PRKCD: variants seen among roughly 807,000 people sequenced by gnomAD.
PRKCD encodes the protein protein kinase C delta type.
In PRKCD, 20 loss-of-function variants were observed where a neutral mutation model predicts 82.2. That is an observed-to-expected ratio of 0.24 (90% confidence interval 0.17 to 0.35). The LOEUF is 0.35. Ranked by LOEUF, PRKCD falls within the 10% of genes least tolerant of loss-of-function variation. The pLI is 1.00. For synonymous variants in PRKCD, 317 were observed against 337.0 expected (o/e 0.94, Z 0.65); for missense variants, 607 against 899.0 (o/e 0.68, Z 4.15).
Position 53,192,105 on chromosome 3 carries a change from T to C in PRKCD, c.1873-3T>C, listed in dbSNP as rs1703944773. 6.2e-7 allele frequency: 1 copy of C among 1,613,934 alleles called. No individual in the cohort carries two copies. The highest frequency in any genetic ancestry group is 8.5e-7 in the Non-Finnish European group (1 of 1,179,950). The stretch of plus-strand genomic sequence containing the variant: ...TTCGCTCACCCCTGCCCTCTGCTTG[T>C]AGAAGTCACCCAGAGACTACAGTAA... On this transcript the variant is annotated splice_polypyrimidine_tract_variant and splice_region_variant and intron_variant, in intron 18 of 18. Coordinates refer to ENST00000330452, the MANE Select transcript of PRKCD (RefSeq NM_006254.4).
rs1158923367 is a variant in PRKCD at position 53,179,715 on chromosome 3, C to T, written c.254C>T (p.Thr85Ile). The change falls in exon 4 of 19, where the codon ACC becomes ATC. Residue 85 changes from threonine (T) to isoleucine (I), a missense_variant. By Grantham distance (89) the Thr-to-Ile change is moderately conservative. Transcript: ENST00000330452. The part of the protein sequence containing the change: ...RAAEEPVSEV[T>I]VGVSVLAERC... ...GCAGAGGAGCCAGTGTCTGAGGTGA[C>T]CGTGGGTGTGTCGGTGCTGGCCGAG... 1 of 1,605,750 alleles carries T rather than the reference C, an allele frequency of 6.2e-7. No individual in the cohort carries two copies. Among genetic ancestry groups the T allele is most frequent in the Non-Finnish European group, 8.5e-7 (1 of 1,175,298 alleles).
At chr3:53,191,413 GAATAAATAAATAAA>G (rs375734734) in intron 18 of PRKCD, among the ~76,000 whole-genome samples, 1,559 of 152,056 alleles carry the variant, frequency 0.01, 29 homozygotes, top group African/African-American at 0.036. Context: ...ATCTCTAAAT[GAATAAATAAATAAA>G]AATAAATAAA....
At chr3:53,170,498 C>T (rs1205464300) in intron 2 of PRKCD, among the ~76,000 whole-genome samples, 3 of 152,266 alleles carry the variant, frequency 2.0e-5, no homozygotes, top group Non-Finnish European at 4.4e-5. Flanking sequence ...CCACCATAGC[C>T]TCAGGGCCCT....
chr3:53,163,825 C>T (rs1553663440), intron 1 of PRKCD, among the ~76,000 whole-genome samples: 1 of 152,126 alleles, frequency 6.6e-6, no homozygotes, highest in East Asian at 1.9e-4. Flanking sequence ...GATGCCCAGA[C>T]AGAGCCCCCA....
At chr3:53,177,952 T>C (rs13077914) in intron 2 of PRKCD, among the ~76,000 whole-genome samples, 2 of 118,948 alleles carry the variant, frequency 1.7e-5, no homozygotes, top group South Asian at 6.7e-4. Context: ...TTTTCTTTTT[T>C]TTTTTTTTTT....
intron 13 of PRKCD, 62 bp downstream of exon 13, chr3:53,186,402 C>A: frequency 6.3e-7 from 1 of 1,596,922 alleles, no homozygotes; most frequent in East Asian, 2.2e-5. Context: ...CTCCTCAGCC[C>A]CCCTCAGTCA....
intron 4 of PRKCD, 42 bp downstream of exon 4, chr3:53,179,818 G>GTGTA: frequency 6.5e-7 from 1 of 1,540,990 alleles, no homozygotes; most frequent in Non-Finnish European, 8.8e-7. Context: ...GTGTGTGTGT[G>GTGTA]TCTGTGTGTG....
intron 17 of PRKCD, 134 bp downstream of exon 17, chr3:53,189,380 G>T (rs1703840872): frequency 1.0e-6 from 1 of 958,586 alleles, no homozygotes; most frequent in East Asian, 2.6e-5. Flanking sequence ...AACATACGGG[G>T]TATTGCTCTC....
rs564822118 is a variant in PRKCD, at chr3:53,185,944, G to A, written c.1003G>A (p.Gly335Ser). 7 of 1,614,186 alleles carry A rather than the reference G, an allele frequency of 4.3e-6. No homozygotes were observed. The highest frequency in any genetic ancestry group is 3.3e-5 in the Admixed American group (2 of 60,030). ...EDMQDNSGTY[G>S]KIWEGSSKCN... ...TCGGGCAGACAACAGTGGGACCTAC[G>A]GCAAGATCTGGGAGGGCAGCAGCAA... is the stretch of plus-strand genomic sequence containing the variant. The change falls in exon 12 of 19, where the codon GGC (glycine) becomes AGC (serine). Residue 335 changes from glycine (G) to serine (S), a missense_variant. Gly to Ser is a moderately conservative substitution (Grantham distance 56). Coordinates refer to ENST00000330452, the MANE Select transcript of PRKCD (RefSeq NM_006254.4).
At chr3:53,176,059 G>C (rs556436956) in intron 2 of PRKCD, among the ~76,000 whole-genome samples, 1 of 152,144 alleles carries the variant, frequency 6.6e-6, no homozygotes, top group Non-Finnish European at 1.5e-5. Context: ...CACACACACC[G>C]ATTCATGCAT....
At position 53,179,580 on chromosome 3, in the gene PRKCD, G is replaced by A. The variant is rs376358631; in HGVS notation, c.119G>A (p.Arg40His). 5.5e-5 allele frequency: 88 copies of A among 1,614,070 alleles called. 2 individuals are homozygous for A. The highest frequency in any genetic ancestry group is 4.9e-4 in the South Asian group (45 of 91,078). The part of the protein sequence containing the change: ...VKMKEALSTE[R>H]GKTLVQKKPT... ...TCTCTGCCTGGCCTTGTTGCAGAGC[G>A]TGGGAAAACACTGGTGCAGAAGAAG... Residue 40 changes from arginine (R) to histidine (H), a missense_variant, in exon 4 of 19, where the codon CGT (arginine) becomes CAT (histidine). Transcript: ENST00000330452.
At chr3:53,172,486 TTCATCCACAAGGC>T (rs1703071755) in intron 2 of PRKCD, among the ~76,000 whole-genome samples, 1 of 152,176 alleles carries the variant, frequency 6.6e-6, no homozygotes, top group Non-Finnish European at 1.5e-5. Context: ...CCCTCCTTTA[TTCATCCACAAGGC>T]TCTGGCAGGC....
At position 53,187,327 on chromosome 3, in the gene PRKCD, C is replaced by T; in HGVS notation, c.1353-13C>T. On this transcript the variant is annotated splice_polypyrimidine_tract_variant and intron_variant, in intron 14 of 18. Coordinates refer to ENST00000330452, the MANE Select transcript of PRKCD (RefSeq NM_006254.4). The stretch of plus-strand genomic sequence containing the variant: ...AGAGATCCCGGAACACTTTATCCCT[C>T]TCTCTTGCCCAGGTTTTATGCCGCT... 6.2e-7 allele frequency: 1 copy of T among 1,614,164 alleles called. No homozygotes were observed. The highest frequency in any genetic ancestry group is 8.5e-7 in the Non-Finnish European group (1 of 1,180,018).
chr3:53,162,273 G>T (rs559458144), intron 1 of PRKCD, among the ~76,000 whole-genome samples: 1 of 144,642 alleles, frequency 6.9e-6, no homozygotes, highest in Non-Finnish European at 1.5e-5. Context: ...AGGAGGTCGG[G>T]GGGGGGGGTC....
chr3:53,175,294 C>T (rs1050011499), intron 2 of PRKCD, among the ~76,000 whole-genome samples: 4 of 152,102 alleles, frequency 2.6e-5, no homozygotes, highest in Non-Finnish European at 5.9e-5. Context: ...GTGGGGGATG[C>T]GAGTGCGCTT....
chr3:53,189,905 A>G lies in PRKCD; in HGVS notation c.1776A>G (p.Gly592=). Residue 592 remains glycine (G), a synonymous_variant, in exon 18 of 19, where the codon GGA becomes GGG. Transcript: ENST00000330452. ...AAAGGGAACCAACCAAGAGGCTGGG[A>G]GTGACCGGAAACATCAAAATCCACC... ...LFEREPTKRL[G]VTGNIKIHPF... is the part of the protein sequence containing the mutation. The G allele has an allele frequency of 6.2e-7, 1 of 1,614,180 alleles. No individual in the cohort carries two copies.
At chr3:53,162,272 G>C (rs9311489) in intron 1 of PRKCD, among the ~76,000 whole-genome samples, 94,142 of 134,628 alleles carry the variant, frequency 0.7, 31,326 homozygotes, top group East Asian at 0.74. Context: ...GAGGAGGTCG[G>C]GGGGGGGGGT....
At chr3:53,189,793 C>G in intron 17 of PRKCD, 80 bp from the exon 18 acceptor site, 1 of 1,593,396 alleles carries the variant, frequency 6.3e-7, no homozygotes, top group Non-Finnish European at 8.6e-7. Context: ...GCTTTGCATC[C>G]CTGGGCCTGC....
chr3:53,167,750 T>C (rs996404147), intron 2 of PRKCD, among the ~76,000 whole-genome samples: 4 of 152,218 alleles, frequency 2.6e-5, no homozygotes, highest in Non-Finnish European at 5.9e-5. Flanking sequence ...GAGGGGGTAT[T>C]ATTATCTGAT....
Sources: gnomAD v4.1 joint callset for allele counts (sites outside exome capture counted in the v4.1 genomes callset) on GRCh38, gnomAD v4.1.1 for gene constraint, MANE v1.5 for transcripts, NCBI Gene and HGNC (gene_info 2026-07-23, HGNC 2026-07-21) for gene names.